Variants in RIPOR2 observed in about 807,000 individuals in gnomAD.
The protein encoded by RIPOR2 is rho family-interacting cell polarization regulator 2.
RIPOR2 carries 39 observed loss-of-function variants against 114.5 expected under a neutral mutation model. That is an observed-to-expected ratio of 0.34 (90% CI 0.26 to 0.44). The LOEUF (loss-of-function observed/expected upper bound fraction) is 0.44, where lower values mean the gene tolerates loss of function less well. Among genes scored for constraint, RIPOR2 ranks in the 20% least tolerant of loss-of-function variants. The pLI is 1.00. For synonymous variants in RIPOR2, 445 were observed against 484.4 expected (o/e 0.92, Z 1.07); for missense variants, 1,007 against 1,255.1 (o/e 0.80, Z 2.99).
At chr6:24,914,285 G>T (rs534302661) in intron 1 of RIPOR2, among the ~76,000 whole-genome samples, 33 of 152,248 alleles carry the variant, frequency 2.2e-4, no homozygotes, top group Admixed American at 5.9e-4. Flanking sequence ...GCAGTGAGCC[G>T]AGATTACGTC....
At chr6:24,940,031 G>C (rs1314592803), upstream of RIPOR2, among the ~76,000 whole-genome samples, 1 of 152,170 alleles carries the variant, frequency 6.6e-6, no homozygotes, top group Non-Finnish European at 1.5e-5. Context: ...TTGGAGAATA[G>C]TAATGAATAC....
chr6:24,876,504 T>G (rs1220094320), intron 1 of RIPOR2, among the ~76,000 whole-genome samples: 1 of 152,022 alleles, frequency 6.6e-6, no homozygotes, highest in Non-Finnish European at 1.5e-5. Context: ...TGCGTCAAAC[T>G]GAAAACACAG....
intron 18 of RIPOR2, among the ~76,000 whole-genome samples, chr6:24,825,702 T>C (rs2076070267): frequency 1.3e-5 from 2 of 152,096 alleles, no homozygotes; most frequent in Non-Finnish European, 2.9e-5. Flanking sequence ...TACAGGTGAA[T>C]TAGCCCAAGG....
chr6:24,852,473 TAAA>T, intron 9 of RIPOR2, 99 bp downstream of exon 9: 2 of 752,332 alleles, frequency 2.7e-6, no homozygotes, highest in Non-Finnish European at 4.2e-6. Flanking sequence ...AATTAAAAAT[TAAA>T]AAAAAAAAAG....
At chr6:24,906,576 A>G (rs1186219904) in intron 1 of RIPOR2, among the ~76,000 whole-genome samples, 1 of 151,984 alleles carries the variant, frequency 6.6e-6, no homozygotes, top group African/African-American at 2.4e-5. Context: ...CACCTATCCA[A>G]CTCAATTGTG....
intron 14 of RIPOR2, among the ~76,000 whole-genome samples, chr6:24,836,767 T>C (rs1006838205): frequency 2.6e-5 from 4 of 152,158 alleles, no homozygotes; most frequent in Non-Finnish European, 4.4e-5. Context: ...ACTCAGTTTG[T>C]GTCTGGGCAG....
intron 1 of RIPOR2, among the ~76,000 whole-genome samples, chr6:24,957,362 G>GTTAGA: frequency 6.6e-6 from 1 of 152,234 alleles, no homozygotes; most frequent in South Asian, 2.1e-4. Context: ...TTCATATGAG[G>GTTAGA]CAATAAAGCA....
rs1045041939 is a variant in RIPOR2, at chr6:24,847,599, G to A, written c.1164+426C>T. ...TGAGGGAGGGCAGGTCACTGAAGGA[G>A]CGGCTGCGGTGCAGCTTGGCAAAGA... On this transcript the variant is annotated intron_variant, in intron 12 of 21. Coordinates refer to ENST00000643898, the MANE Select transcript of RIPOR2 (RefSeq NM_001286445.3). 6 of 1,551,598 alleles carry A rather than the reference G, an allele frequency of 3.9e-6. No individual in the cohort carries two copies. The African/African-American group carries it at 8.2e-5, about 21-fold the overall frequency.
intron 1 of RIPOR2, among the ~76,000 whole-genome samples, chr6:25,007,835 G>A (rs565477189): frequency 2.0e-5 from 3 of 151,726 alleles, no homozygotes; most frequent in South Asian, 4.2e-4. Context: ...ATTGATATCC[G>A]GGAGGGACCT....
rs1419476720 is a variant in RIPOR2, at chr6:24,858,090, C to A, written c.715+2883G>T. 6.6e-6 allele frequency among the ~76,000 whole-genome samples: 1 copy of A among 152,208 alleles called. No homozygotes were observed. Among genetic ancestry groups the A allele is most frequent in the Admixed American group, 6.5e-5 (1 of 15,278 alleles). On this transcript the variant is annotated intron_variant, in intron 8 of 21. Transcript: ENST00000643898. This position sits in a 1 kb window ranked among gnomAD's most constrained non-coding sequence, Gnocchi z 4.0. ...CCCCAACTAGAGAGGTGAGTGGCAA[C>A]CTTTTCCTCCTCTCCCCTCCTGCTT...
intron 13 of RIPOR2, chr6:24,839,935 C>CTTTTTTTTTTTTTTTTTTTTTTTTTT (rs760508182): frequency 3.1e-6 from 1 of 318,834 alleles, no homozygotes; most frequent in African/African-American, 5.6e-5. Context: ...AGCCCTGCAT[C>CTTTTTTTTTTTTTTTTTTTTTTTTTT]TTTTTTTTTT....
intron 1 of RIPOR2, among the ~76,000 whole-genome samples, chr6:24,900,188 T>A (rs1369126562): frequency 6.6e-6 from 1 of 152,210 alleles, no homozygotes; most frequent in Non-Finnish European, 1.5e-5. Flanking sequence ...CTGTGGGAAC[T>A]GTGGCTCTGA....
rs765540877 is a variant in RIPOR2, at chr6:24,850,697, C to T, written c.785G>A (p.Arg262Gln). Reference sequence around the variant, plus strand: ...TTCTATTTTGCCTTTCAGTTTCCACCGCTGCCGGCCATACTTCATGAAAAT... The same window carrying T: ...TTCTATTTTGCCTTTCAGTTTCCACTGCTGCCGGCCATACTTCATGAAAAT... ...YEIFMKYGRQ[R>Q]WKLKGKIEVN... Residue 262 changes from arginine (R) to glutamine (Q), a missense_variant, in exon 10 of 22, where the codon CGG becomes CAG. By Grantham distance (43) the Arg-to-Gln change is conservative (BLOSUM62 1). Transcript: ENST00000643898. The T allele has an allele frequency of 4.0e-5, 65 of 1,613,712 alleles. No homozygotes were observed. The highest frequency in any genetic ancestry group is 5.2e-5 in the Non-Finnish European group (61 of 1,179,866).
intron 1 of RIPOR2, among the ~76,000 whole-genome samples, chr6:24,990,532 G>A (rs186119980): frequency 1.6e-3 from 245 of 152,308 alleles, no homozygotes; most frequent in Non-Finnish European, 2.4e-3. Flanking sequence ...TTGGACTTAT[G>A]TTGATACGAG....
intron 1 of RIPOR2, among the ~76,000 whole-genome samples, chr6:24,982,885 A>G (rs1255072369): frequency 3.3e-5 from 5 of 152,118 alleles, no homozygotes; most frequent in Admixed American, 6.5e-5. Flanking sequence ...TTGTTTAAAG[A>G]CATGTTGTTA....
chr6:25,006,021 C>T (rs1332348670), intron 1 of RIPOR2, among the ~76,000 whole-genome samples: 1 of 151,942 alleles, frequency 6.6e-6, no homozygotes, highest in East Asian at 1.9e-4. Context: ...ATTTTGAATC[C>T]TTACTTTAAA....
intron 1 of RIPOR2, among the ~76,000 whole-genome samples, chr6:25,001,751 G>C (rs779605855): frequency 6.4e-5 from 9 of 139,748 alleles, no homozygotes; most frequent in Admixed American, 2.2e-4. Context: ...CCAGGCTGGA[G>C]TGCAGTGGCG....
chr6:24,979,283 C>CTTTTTTTT (rs60372040), intron 1 of RIPOR2, among the ~76,000 whole-genome samples: 3 of 99,454 alleles, frequency 3.0e-5, no homozygotes, highest in African/African-American at 4.1e-5. Flanking sequence ...TAGGGAAATT[C>CTTTTTTTT]TTTTTTTTTT....
At chr6:24,951,052 A>G (rs1044119443) in intron 1 of RIPOR2, among the ~76,000 whole-genome samples, 2 of 152,200 alleles carry the variant, frequency 1.3e-5, no homozygotes, top group African/African-American at 4.8e-5. Flanking sequence ...TTAAAAATCA[A>G]TGACTTCATT....
Sources: allele counts gnomAD v4.1 joint callset (sites outside exome capture counted in the v4.1 genomes callset), GRCh38; gene constraint gnomAD v4.1.1; non-coding constraint Gnocchi (gnomAD v3.1); transcripts MANE v1.5; gene names NCBI Gene and HGNC (gene_info 2026-07-23, HGNC 2026-07-21).